The following TBC1D19 variants were observed in gnomAD, a reference collection of about 807,000 sequenced individuals.
The protein encoded by TBC1D19 is TBC1 domain family member 19.
TBC1D19 carries 60 observed loss-of-function variants against 89.0 expected under a neutral mutation model. That is an observed-to-expected ratio of 0.67 (90% CI 0.55 to 0.84). TBC1D19 has a LOEUF of 0.84. Among genes scored for constraint, TBC1D19 ranks in the 40% least tolerant of loss-of-function variants. TBC1D19 has a pLI of 0.00. For missense variants in TBC1D19, 500 were observed against 610.8 expected (o/e 0.82, Z 1.91); for synonymous variants, 189 against 199.7 (o/e 0.95, Z 0.45).
chr4:26,770,995 C>A, the TBC1D19 span, among the ~76,000 whole-genome samples: 1 of 60,790 alleles, frequency 1.6e-5, no homozygotes, highest in Non-Finnish European at 3.3e-5. Flanking sequence ...CTATAAATAC[C>A]AATATTATTA....
At chr4:26,724,113 T>C (rs911439440) in intron 15 of TBC1D19, among the ~76,000 whole-genome samples, 128 of 152,270 alleles carry the variant, frequency 8.4e-4, no homozygotes, top group African/African-American at 2.9e-3. Flanking sequence ...AAGGCAGGAA[T>C]AAGCTTGATA....
the TBC1D19 span, among the ~76,000 whole-genome samples, chr4:26,814,043 G>T: frequency 6.6e-6 from 1 of 151,906 alleles, no homozygotes; most frequent in South Asian, 2.1e-4. Flanking sequence ...ACTCTTGCAG[G>T]CCTCTGGGCA....
At chr4:26,808,432 T>A in the TBC1D19 span, among the ~76,000 whole-genome samples, 2 of 152,178 alleles carry the variant, frequency 1.3e-5, no homozygotes, top group Admixed American at 1.3e-4. Context: ...ATCATTATTA[T>A]ATTAAGAAAT....
chr4:26,663,596 T>G (rs1711530141), intron 8 of TBC1D19, among the ~76,000 whole-genome samples: 1 of 152,230 alleles, frequency 6.6e-6, no homozygotes, highest in Non-Finnish European at 1.5e-5. Flanking sequence ...CCTAAACTGA[T>G]GCGAATGCAT....
At chr4:26,601,048 T>C (rs537378065) in intron 1 of TBC1D19, among the ~76,000 whole-genome samples, 1 of 152,280 alleles carries the variant, frequency 6.6e-6, no homozygotes, top group South Asian at 2.1e-4. Context: ...TTTCGGGGAT[T>C]GATGTGAGAA....
At chr4:26,838,322 G>A in the TBC1D19 span, among the ~76,000 whole-genome samples, 1 of 152,208 alleles carries the variant, frequency 6.6e-6, no homozygotes, top group Non-Finnish European at 1.5e-5. Flanking sequence ...TCAGCTTACT[G>A]TAGAGGCTGA....
the TBC1D19 span, among the ~76,000 whole-genome samples, chr4:26,812,774 A>T: frequency 5.4e-4 from 82 of 150,736 alleles, no homozygotes; most frequent in Middle Eastern, 3.5e-3. The surrounding 1 kb of genome is among the most constrained non-coding windows in gnomAD (Gnocchi z 4.2). Flanking sequence ...TATATATATA[A>T]AAAATACATA....
At chr4:26,626,175 T>C (rs563553533) in intron 4 of TBC1D19, among the ~76,000 whole-genome samples, 1 of 152,182 alleles carries the variant, frequency 6.6e-6, no homozygotes, top group East Asian at 1.9e-4. Context: ...AATTTTGTTG[T>C]GCACAAATTA....
intron 1 of TBC1D19, among the ~76,000 whole-genome samples, chr4:26,592,791 G>A (rs1351903407): frequency 1.3e-5 from 2 of 151,826 alleles, no homozygotes; most frequent in Non-Finnish European, 2.9e-5. Flanking sequence ...GGGATGTGAA[G>A]GACCTCTTCA....
chr4:26,832,002 A>G, the TBC1D19 span, among the ~76,000 whole-genome samples: 1 of 152,146 alleles, frequency 6.6e-6, no homozygotes, highest in African/African-American at 2.4e-5. Context: ...CAAAAACAAA[A>G]TACCTGATCG....
chr4:26,815,968 T>A, the TBC1D19 span, among the ~76,000 whole-genome samples: 1 of 152,158 alleles, frequency 6.6e-6, no homozygotes, highest in Admixed American at 6.6e-5. Context: ...TGTGTGTGAG[T>A]TCCACAGAAC....
chr4:26,601,759 C>T (rs1185453056), intron 1 of TBC1D19, among the ~76,000 whole-genome samples: 3 of 152,144 alleles, frequency 2.0e-5, no homozygotes, highest in Non-Finnish European at 4.4e-5. Flanking sequence ...GGAGTGAGTG[C>T]TTTAGCTTCA....
intron 1 of TBC1D19, 54 bp downstream of exon 1, chr4:26,584,346 T>G: frequency 6.6e-7 from 1 of 1,518,908 alleles, no homozygotes; most frequent in Non-Finnish European, 9.0e-7. Context: ...CGGCGATGTC[T>G]CTTCTTCACC....
chr4:26,850,738 C>T, the TBC1D19 span, among the ~76,000 whole-genome samples: 1 of 152,070 alleles, frequency 6.6e-6, no homozygotes, highest in African/African-American at 2.4e-5. Flanking sequence ...AGCTGCAGAA[C>T]TGTGAGACAA....
intron 7 of TBC1D19, among the ~76,000 whole-genome samples, chr4:26,649,374 T>A (rs1485627541): frequency 2.0e-5 from 3 of 152,156 alleles, no homozygotes; most frequent in Non-Finnish European, 4.4e-5. Flanking sequence ...GAGCTAGAAT[T>A]TTTACAGCAT....
At chr4:26,826,870 C>G in the TBC1D19 span, among the ~76,000 whole-genome samples, 1 of 152,106 alleles carries the variant, frequency 6.6e-6, no homozygotes, top group East Asian at 1.9e-4. Context: ...AAAGATAAAC[C>G]CTTCCAGAAA....
intron 16 of TBC1D19, among the ~76,000 whole-genome samples, chr4:26,736,685 G>C (rs1261708234): frequency 6.6e-6 from 1 of 152,148 alleles, no homozygotes; most frequent in Admixed American, 6.5e-5. Flanking sequence ...TCTCTTAAGA[G>C]TTTTTTGAAA....
chr4:26,619,528 A>T (rs1741906255), intron 3 of TBC1D19, among the ~76,000 whole-genome samples: 1 of 152,190 alleles, frequency 6.6e-6, no homozygotes, highest in Non-Finnish European at 1.5e-5. Flanking sequence ...TCTAAGCTTT[A>T]TTAAATTTTA....
chr4:26,748,169 C>T (rs138532281), intron 18 of TBC1D19, among the ~76,000 whole-genome samples: 166 of 152,240 alleles, frequency 1.1e-3, no homozygotes, highest in African/African-American at 3.8e-3. Flanking sequence ...AAAAGCTGAC[C>T]TCTAGAGTAA....
Sources: gnomAD v4.1 joint callset for allele counts (sites outside exome capture counted in the v4.1 genomes callset) on GRCh38, gnomAD v4.1.1 for gene constraint, Gnocchi (gnomAD v3.1) non-coding constraint, MANE v1.5 for transcripts, NCBI Gene and HGNC (gene_info 2026-07-23, HGNC 2026-07-21) for gene names.